Variants in TERB2 observed in about 807,000 individuals in gnomAD.
TERB2 encodes telomere repeats-binding bouquet formation protein 2.
In TERB2, 26 loss-of-function variants were observed where a neutral mutation model predicts 29.8. The observed-to-expected ratio is 0.87, with a 90% CI of 0.64 to 1.21. The LOEUF (loss-of-function observed/expected upper bound fraction) is 1.21. Ranked by LOEUF, TERB2 falls within the 50% of genes most tolerant of loss-of-function variation. The pLI, the probability that TERB2 is intolerant of heterozygous loss-of-function variation, is 0.00. For missense variants in TERB2, 240 were observed against 268.6 expected, an observed-to-expected ratio of 0.89 and a Z score of 0.74; for synonymous variants, 80 against 90.8, an observed-to-expected ratio of 0.88 and a Z score of 0.68.
At chr15:44,976,328 C>T (rs1158959423) in intron 6 of TERB2, among the ~76,000 whole-genome samples, 1 of 152,178 alleles carries the variant, frequency 6.6e-6, no homozygotes, top group African/African-American at 2.4e-5. Flanking sequence ...CAAGGCACAA[C>T]TGGGACTGGA....
At chr15:44,957,076 C>T (rs1283698960) in intron 2 of TERB2, 99 bp downstream of exon 2, 12 of 1,241,296 alleles carry the variant, frequency 9.7e-6, no homozygotes, top group Non-Finnish European at 1.4e-5. Flanking sequence ...AGGCTGGGCG[C>T]GGTGGCGGAC....
chr15:44,966,916 T>C (rs1891900107), intron 5 of TERB2, among the ~76,000 whole-genome samples: 1 of 152,100 alleles, frequency 6.6e-6, no homozygotes, highest in Non-Finnish European at 1.5e-5. Flanking sequence ...CTGGGCAGCA[T>C]AGGGATACCC....
intron 4 of TERB2, among the ~76,000 whole-genome samples, 179 bp downstream of exon 4, chr15:44,961,763 G>A (rs1286643036): frequency 1.3e-5 from 2 of 152,180 alleles, no homozygotes; most frequent in African/African-American, 4.8e-5. Flanking sequence ...GTAGCAACGC[G>A]ATCTCGGCTC....
Position 44,958,646 on chromosome 15 carries a change from T to C in TERB2, c.286+134T>C, listed in dbSNP as rs1891758307. The C allele has an allele frequency of 3.1e-6, 3 of 973,904 alleles. No individual in the cohort carries two copies. The South Asian group carries it at 5.3e-5, about 17-fold the overall frequency. 60.3% of individuals were successfully genotyped at this position (973,904 alleles called of 1,614,324 possible). On this transcript the variant is annotated intron_variant, in intron 3 of 6. Transcript: ENST00000340827. ...GAATTTTGTATCTATTTAACATAAG[T>C]GGAAAAAGCATGGACTTTGGATCAG...
chr15:44,958,168 G>A (rs1209834688), intron 2 of TERB2, among the ~76,000 whole-genome samples: 1 of 152,114 alleles, frequency 6.6e-6, no homozygotes, highest in African/African-American at 2.4e-5. Flanking sequence ...AACCAACCCT[G>A]TAAAGCTGAG....
chr15:44,977,643 AATTT>A (rs1265753175), intron 6 of TERB2, among the ~76,000 whole-genome samples: 22 of 152,170 alleles, frequency 1.4e-4, no homozygotes, highest in African/African-American at 5.3e-4. Context: ...ATTGATAGTT[AATTT>A]ATTAACTCTG....
intron 4 of TERB2, among the ~76,000 whole-genome samples, chr15:44,965,414 T>A (rs1392866729): frequency 6.9e-6 from 1 of 145,120 alleles, no homozygotes; most frequent in Non-Finnish European, 1.5e-5. Context: ...ATTTTTGAGT[T>A]ATATATTTTA....
intron 4 of TERB2, chr15:44,962,735 A>C (rs369926351): frequency 6.6e-6 from 1 of 152,198 alleles, no homozygotes; most frequent in Non-Finnish European, 1.5e-5. Context: ...ACTTACTTCA[A>C]AATCTTTAAG....
rs553634034 is a variant in TERB2 at position 44,969,415 on chromosome 15, A to AT, written c.434+3182dup. Among the ~76,000 whole-genome samples the AT allele has an allele frequency of 1.2e-3, 185 of 149,932 alleles. 4 individuals carry two copies. The South Asian group carries it at 0.028, about 23-fold the overall frequency. ...GCGCCAACTCGCCCAGCCTAATTAA[A>AT]TTTTTTTTTTGTCAAGATGGCATCT... On this transcript the variant is annotated intron_variant, in intron 5 of 6. Coordinates refer to ENST00000340827, the MANE Select transcript of TERB2 (RefSeq NM_152448.3).
chr15:44,958,342 T>C (rs746423984), intron 2 of TERB2, 31 bp from the exon 3 acceptor site: 7 of 1,571,666 alleles, frequency 4.5e-6, no homozygotes, highest in Non-Finnish European at 4.3e-6. Flanking sequence ...GTTTCTTTCA[T>C]AACCTAAAAT....
chr15:44,978,648 C>T lies in TERB2; in HGVS notation c.*20C>T, dbSNP rs754707885. The T allele has an allele frequency of 1.7e-5, 27 of 1,562,336 alleles. No individual in the cohort carries two copies. The highest frequency in any genetic ancestry group is 2.2e-5 in the Non-Finnish European group (25 of 1,154,842). Reference sequence around the variant, plus strand: ...AAATAGTAAATTAAATTGTAAATACCTTGGCATTTATTTTCTATAAAATAT... The same window carrying T: ...AAATAGTAAATTAAATTGTAAATACTTTGGCATTTATTTTCTATAAAATAT... On this transcript the variant is annotated 3_prime_UTR_variant, in exon 7 of 7. Transcript: ENST00000340827.
rs1891724509 is a variant in TERB2 at position 44,956,913 on chromosome 15, A to G, written c.82A>G (p.Ile28Val). ...CTCCACAGTGGCTGAAGGGGGAACG[A>G]TCAGTGACCCGCGAGCCGCCGACTT... The part of the protein sequence containing the change: ...RQFWVAEGGT[I>V]SDPRAADFLF... Residue 28 changes from isoleucine to valine, a missense_variant, in exon 2 of 7, where the codon ATC (isoleucine) becomes GTC (valine). Ile to Val is a conservative substitution (Grantham distance 29). Transcript: ENST00000340827. 6.2e-7 allele frequency: 1 copy of G among 1,614,056 alleles called. No individual in the cohort carries two copies. The highest frequency in any genetic ancestry group is 1.7e-5 in the Admixed American group (1 of 60,008).
intron 3 of TERB2, among the ~76,000 whole-genome samples, chr15:44,960,032 T>C (rs1221738120): frequency 6.6e-6 from 1 of 152,188 alleles, no homozygotes; most frequent in African/African-American, 2.4e-5. Context: ...GATGGGGGAA[T>C]TGATTTTAAA....
chr15:44,966,065 T>C (rs1157290589), intron 4 of TERB2, 93 bp from the exon 5 acceptor site: 2 of 603,686 alleles, frequency 3.3e-6, no homozygotes, highest in Non-Finnish European at 2.6e-6. Flanking sequence ...TTGAGATATA[T>C]ATTTCCAGTT....
rs1421771247 is a variant in TERB2, at chr15:44,977,754, T to G, written c.524-735T>G. On this transcript the variant is annotated intron_variant, in intron 6 of 6. Coordinates refer to ENST00000340827, the MANE Select transcript of TERB2 (RefSeq NM_152448.3). ...TCTAAATTCAGTCATCCTTGAGCTC[T>G]ACCAGAATTTTTTTCACACAATATT... 1.1e-4 allele frequency among the ~76,000 whole-genome samples: 16 copies of G among 152,332 alleles called. 2 individuals carry two copies. The South Asian group carries it at 3.3e-3, about 32-fold the overall frequency.
At chr15:44,978,448 G>A (rs776177218) in intron 6 of TERB2, 41 bp from the exon 7 acceptor site, 18 of 1,506,774 alleles carry the variant, frequency 1.2e-5, no homozygotes, top group South Asian at 5.8e-5. Context: ...TAGTATGAGC[G>A]GGTTTTAAGT....
chr15:44,963,742 T>C (rs1230141677), intron 4 of TERB2, among the ~76,000 whole-genome samples: 4 of 150,568 alleles, frequency 2.7e-5, no homozygotes, highest in Non-Finnish European at 5.9e-5. Context: ...GCACTCAAGG[T>C]GTCAGAAATG....
At chr15:44,975,092 A>T (rs1892025456) in intron 6 of TERB2, among the ~76,000 whole-genome samples, 1 of 152,224 alleles carries the variant, frequency 6.6e-6, no homozygotes. Flanking sequence ...CTATTAAAAA[A>T]TTAGTCAGAA....
intron 6 of TERB2, among the ~76,000 whole-genome samples, chr15:44,977,730 C>G (rs1365429299): frequency 6.6e-6 from 1 of 152,058 alleles, no homozygotes; most frequent in African/African-American, 2.4e-5. Context: ...GTATGGTGTT[C>G]TAAATTCAGT....
Sources: allele counts gnomAD v4.1 joint callset (sites outside exome capture counted in the v4.1 genomes callset), GRCh38; gene constraint gnomAD v4.1.1; transcripts MANE v1.5; gene names NCBI Gene and HGNC (gene_info 2026-07-23, HGNC 2026-07-21).